Variants in ISL2 observed in about 807,000 individuals in gnomAD.
The protein encoded by ISL2 is ISL LIM homeobox 2, also known as insulin gene enhancer protein ISL-2.
In ISL2, 17 loss-of-function variants were observed where a neutral mutation model predicts 34.6. The ratio of observed to expected loss-of-function variants is 0.49; its 90% confidence interval spans 0.34 to 0.74. The LOEUF (loss-of-function observed/expected upper bound fraction) is 0.74. Among genes scored for constraint, ISL2 ranks in the 30% least tolerant of loss-of-function variants. The pLI is 0.01. For missense variants in ISL2, 469 were observed against 515.2 expected, an observed-to-expected ratio of 0.91 and a Z score of 0.87; for synonymous variants, 232 against 225.5, an observed-to-expected ratio of 1.03 and a Z score of -0.26.
intron 1 of ISL2, chr15:76,337,379 G>A (rs781247373): frequency 9.0e-5 from 28 of 312,616 alleles, no homozygotes; most frequent in Non-Finnish European, 1.6e-4. Flanking sequence ...GTTGGGATAG[G>A]AGGCAGCCGC....
rs200917260 is a variant in ISL2 at position 76,340,290 on chromosome 15, C to T, written c.526C>T (p.Arg176Trp). 4 of 1,605,436 alleles carry T rather than the reference C, an allele frequency of 2.5e-6. No homozygotes were observed. In the African/African-American group the frequency reaches 4.0e-5, roughly 16 times the overall value. Residue 176 changes from arginine to tryptophan, a missense_variant, in exon 4 of 6, where the codon CGG becomes TGG. Coordinates refer to ENST00000290759, the MANE Select transcript of ISL2 (RefSeq NM_145805.3). ...TGTCCTGGCAGACGCTGGGTCGGGCCGGCAGCCCGCGTTGCGCCCGCACGT... is the reference window on the plus strand; with the variant it reads ...TGTCCTGGCAGACGCTGGGTCGGGCTGGCAGCCCGCGTTGCGCCCGCACGT... ...GLHLPDAGSG[R>W]QPALRPHVHK...
intron 2 of ISL2, 115 bp downstream of exon 2, chr15:76,338,082 C>T (rs2040165871): frequency 7.6e-6 from 10 of 1,314,078 alleles, no homozygotes; most frequent in African/African-American, 1.6e-5. Context: ...CCATCCGCAT[C>T]CCGCACGGGT....
At chr15:76,341,499 A>AT (rs1373579337) in intron 5 of ISL2, among the ~76,000 whole-genome samples, 198 bp downstream of exon 5, 6 of 152,274 alleles carry the variant, frequency 3.9e-5, no homozygotes, top group Admixed American at 2.6e-4. Context: ...GTCTCCCTGG[A>AT]TTAAAGTGCT....
chr15:76,336,960 G>C lies in ISL2; in HGVS notation c.58+19G>C. 1 of 1,602,060 alleles carries C rather than the reference G, an allele frequency of 6.2e-7. No individual in the cohort carries two copies. Among genetic ancestry groups the C allele is most frequent in the Non-Finnish European group, 8.6e-7 (1 of 1,169,188 alleles). ...TCCAAGAGTAAGTATTTCTGTGTGT[G>C]TGTGGGGTGGGGTGTGTGTGTATGC... On this transcript the variant is annotated intron_variant, in intron 1 of 5. Transcript: ENST00000290759.
chr15:76,338,732 A>G, intron 3 of ISL2: 1 of 985,380 alleles, frequency 1.0e-6, no homozygotes, highest in Non-Finnish European at 1.2e-6. Flanking sequence ...GTGTGTGAGC[A>G]CGGAGAATTG....
In ISL2 at chr15:76,342,050, A is replaced by T; in HGVS notation, c.*215A>T. On this transcript the variant is annotated 3_prime_UTR_variant, in exon 6 of 6. Transcript: ENST00000290759. ...GCAGACCCCTGCTCCGAGGACTCTT[A>T]GTTTTTCAAAACCAGAATCTGGGAC... is the stretch of plus-strand genomic sequence containing the variant. The T allele has an allele frequency of 2.0e-6, 1 of 504,218 alleles. No individual in the cohort carries two copies. Among genetic ancestry groups the T allele is most frequent in the Non-Finnish European group, 3.5e-6 (1 of 281,928 alleles). The allele number at this position is 504,218 out of a possible 1,614,324, so 31.2% of individuals were successfully genotyped here. A position where few individuals can be genotyped will look rare whatever the true frequency, so the allele number is the denominator to read the frequency against.
chr15:76,341,654 CGGCCCT>C (rs2040195653), intron 5 of ISL2, 59 bp from the exon 6 acceptor site: 1 of 1,216,982 alleles, frequency 8.2e-7, no homozygotes, highest in Non-Finnish European at 1.2e-6. Context: ...TCGGAGCACG[CGGCCCT>C]GGAGCACCAG....
chr15:76,341,210 C>T lies in ISL2; in HGVS notation c.872C>T (p.Ala291Val), dbSNP rs148002891. 2.2e-4 allele frequency: 360 copies of T among 1,612,550 alleles called. 1 individual carries two copies. In the African/African-American group the frequency reaches 2.7e-3, roughly 12 times the overall value. ...IRHENAVQGS[A>V]VEVQTYQPPW... ...CATGAGAACGCCGTGCAGGGCAGCG[C>T]AGTGGAGGTGCAGACGTACCAGCCG... Residue 291 changes from alanine to valine, a missense_variant, in exon 5 of 6, where the codon GCA (alanine) becomes GTA (valine). Ala to Val is a moderately conservative substitution (Grantham distance 64, BLOSUM62 0). Around this residue, in one of 3 missense-constraint regions of ISL2, gnomAD observed 169 missense variants for 154.2 expected, o/e 1.10. Transcript: ENST00000290759.
chr15:76,339,875 C>A (rs1566965246), intron 3 of ISL2: 1 of 1,023,752 alleles, frequency 9.8e-7, no homozygotes, highest in Admixed American at 5.1e-5. Context: ...GGTCCCTTTC[C>A]CTCTCCAGAG....
intron 4 of ISL2, among the ~76,000 whole-genome samples, chr15:76,340,834 C>T (rs1350162871): frequency 1.3e-5 from 2 of 152,252 alleles, no homozygotes; most frequent in African/African-American, 2.4e-5. Context: ...GTGCAGCGCC[C>T]GCCAGTCGGG....
chr15:76,340,230 G>A, intron 3 of ISL2, 46 bp from the exon 4 acceptor site: 1 of 1,491,394 alleles, frequency 6.7e-7, no homozygotes. Flanking sequence ...CGGGGCGGGT[G>A]GGTGGCGGCC....
chr15:76,337,872 C>T lies in ISL2; in HGVS notation c.153C>T (p.Ala51=). ...RVSPDLEWHA[A]CLKCAECSQY... ...CGCCCGACCTCGAGTGGCACGCGGCCTGCCTCAAGTGTGCCGAGTGCAGCC... is the reference window on the plus strand; with the variant it reads ...CGCCCGACCTCGAGTGGCACGCGGCTTGCCTCAAGTGTGCCGAGTGCAGCC... The change falls in exon 2 of 6, where the codon GCC becomes GCT. Residue 51 remains alanine (A), a synonymous_variant. Transcript: ENST00000290759. The T allele has an allele frequency of 6.2e-7, 1 of 1,612,744 alleles. No individual in the cohort carries two copies. Among genetic ancestry groups the T allele is most frequent in the Non-Finnish European group, 8.5e-7 (1 of 1,179,728 alleles).
At chr15:76,340,114 G>C in intron 3 of ISL2, 162 bp from the exon 4 acceptor site, 1 of 1,422,616 alleles carries the variant, frequency 7.0e-7, no homozygotes, top group Non-Finnish European at 9.1e-7. Flanking sequence ...CTCTCTCCGA[G>C]TAAGGCGAAC....
intron 4 of ISL2, 123 bp from the exon 5 acceptor site, chr15:76,341,011 T>C (rs2040188909): frequency 1.1e-6 from 1 of 951,188 alleles, no homozygotes; most frequent in Non-Finnish European, 1.5e-6. Flanking sequence ...TGCGATCGAG[T>C]GTGCGCCTCC....
rs560919739 is a variant in ISL2, at chr15:76,342,094, CCCTCT to C, written c.*271_*275del. On this transcript the variant is annotated 3_prime_UTR_variant, in exon 6 of 6. Coordinates refer to ENST00000290759, the MANE Select transcript of ISL2 (RefSeq NM_145805.3). Reference sequence around the variant, plus strand: ...CTGGGACTTACCAGGGTTAGCTCTGCCCTCTCCTCTCCTCTCTACGTGGCCGCCGC... The same window carrying C: ...CTGGGACTTACCAGGGTTAGCTCTGCCCTCTCCTCTCTACGTGGCCGCCGC... 109 of 385,004 alleles carry C rather than the reference CCCTCT, an allele frequency of 2.8e-4. 2 individuals carry two copies. The South Asian group carries it at 3.6e-3, about 13-fold the overall frequency. The allele number at this position is 385,004 out of a possible 1,614,324, so 23.8% of individuals were successfully genotyped here.
At position 76,338,493 on chromosome 15, in the gene ISL2, G is replaced by T; in HGVS notation, c.490G>T (p.Ala164Ser). Residue 164 changes from alanine to serine, a missense_variant, in exon 3 of 6, where the codon GCC (alanine) becomes TCC (serine). Ala to Ser is a moderately conservative substitution (Grantham distance 99, BLOSUM62 1). Around this residue, in one of 3 missense-constraint regions of ISL2, gnomAD observed 297 missense variants for 337.8 expected, o/e 0.88. Transcript: ENST00000290759. ...SPRSPGPLPG[A>S]RGLHLPDAGS... ...GCGCAGCCCCGGCCCGCTTCCCGGC[G>T]CCCGCGGCCTGCATCTGCCCGGTAA... The T allele has an allele frequency of 7.6e-7, 1 of 1,317,812 alleles. No individual in the cohort carries two copies. The highest frequency in any genetic ancestry group is 2.7e-5 in the South Asian group (1 of 36,748). 81.6% of individuals were successfully genotyped at this position (1,317,812 alleles called of 1,614,324 possible). A position where few individuals can be genotyped will look rare whatever the true frequency, so the allele number is the denominator to read the frequency against.
chr15:76,338,169 G>A (rs2040166829), intron 2 of ISL2, 83 bp from the exon 3 acceptor site: 1 of 1,471,582 alleles, frequency 6.8e-7, no homozygotes, highest in Admixed American at 2.2e-5. Flanking sequence ...AAGTGTCCTG[G>A]GCGCGCGCCG....
rs758388687 is a variant in ISL2 at position 76,341,836 on chromosome 15, G to T, written c.*1G>T. 1 of 1,606,526 alleles carries T rather than the reference G, an allele frequency of 6.2e-7. No homozygotes were observed. Among genetic ancestry groups the T allele is most frequent in the Non-Finnish European group, 8.5e-7 (1 of 1,173,798 alleles). On this transcript the variant is annotated 3_prime_UTR_variant, in exon 6 of 6. Coordinates refer to ENST00000290759, the MANE Select transcript of ISL2 (RefSeq NM_145805.3). ...GGTGCCGAGTCCCGTGGAGACGTGA[G>T]GGGGACCCCTCCCTGCCAGCCCGCG...
chr15:76,338,979 A>G (rs904231583), intron 3 of ISL2: 1 of 985,428 alleles, frequency 1.0e-6, no homozygotes, highest in Non-Finnish European at 1.2e-6. Context: ...CAAGAACCCA[A>G]CAAAGAGGGG....
Sources: gnomAD v4.1 joint callset for allele counts (sites outside exome capture counted in the v4.1 genomes callset) on GRCh38, gnomAD v4.1.1 for gene constraint, gnomAD v4.1.1 regional missense constraint, MANE v1.5 for transcripts, NCBI Gene and HGNC (gene_info 2026-07-23, HGNC 2026-07-21) for gene names.